Variants in ATL3 observed in about 807,000 individuals in gnomAD.
ATL3 encodes atlastin GTPase 3, also known as atlastin-3.
Under a neutral mutation model 69.5 loss-of-function variants are expected in ATL3, and 49 were observed. The observed-to-expected ratio is 0.71, with a 90% CI of 0.56 to 0.89. ATL3 has a LOEUF of 0.89. Ranked by LOEUF, ATL3 falls within the 40% of genes least tolerant of loss-of-function variation. The pLI is 0.00. For missense variants in ATL3, 606 were observed against 645.7 expected (o/e 0.94, Z 0.67); for synonymous variants, 214 against 224.1 (o/e 0.95, Z 0.40).
chr11:63,655,465 T>TA (rs1450447878), intron 3 of ATL3, among the ~76,000 whole-genome samples: 2 of 147,240 alleles, frequency 1.4e-5, no homozygotes, highest in East Asian at 2.1e-4. Context: ...TTTTTTTTTT[T>TA]AGATGGAGTT....
At chr11:63,657,136 G>C (rs1590740474) in intron 3 of ATL3, among the ~76,000 whole-genome samples, 1 of 151,338 alleles carries the variant, frequency 6.6e-6, no homozygotes, top group Non-Finnish European at 1.5e-5. Flanking sequence ...CTTGAACCTG[G>C]GAGGCGGAGA....
intron 1 of ATL3, among the ~76,000 whole-genome samples, chr11:63,666,029 G>A (rs1378508953): frequency 6.6e-6 from 1 of 152,106 alleles, no homozygotes; most frequent in Non-Finnish European, 1.5e-5. Context: ...GCACAGGCTA[G>A]AGGTGCGGTG....
rs1939047547 is a variant in ATL3, at chr11:63,624,693, C to A, written c.*4626G>T. ...CCTAATTACATTAGAAAATAGGATA[C>A]CTGTACATTCATTTTTCAGAGAAGG... is the stretch of plus-strand genomic sequence containing the variant. On this transcript the variant is annotated 3_prime_UTR_variant, in exon 13 of 13. Coordinates refer to ENST00000398868, the MANE Select transcript of ATL3 (RefSeq NM_015459.5). 6.6e-6 allele frequency: 1 copy of A among 152,072 alleles called. No individual in the cohort carries two copies. The highest frequency in any genetic ancestry group is 2.4e-5 in the African/African-American group (1 of 41,384). 9.4% of individuals were successfully genotyped at this position (152,072 alleles called of 1,614,324 possible).
At chr11:63,669,847 C>T (rs553177457) in intron 1 of ATL3, among the ~76,000 whole-genome samples, 2 of 152,230 alleles carry the variant, frequency 1.3e-5, no homozygotes, top group East Asian at 1.9e-4. Flanking sequence ...ACTCGGGAGG[C>T]TGACGCAGGA....
chr11:63,632,678 A>T, intron 11 of ATL3: 1 of 1,244,100 alleles, frequency 8.0e-7, no homozygotes, highest in Non-Finnish European at 1.2e-6. Context: ...GTGATTTTGG[A>T]TTTTTATGTG....
At position 63,628,031 on chromosome 11, in the gene ATL3, A is replaced by C. The variant is rs1039975508; in HGVS notation, c.*1288T>G. The C allele has an allele frequency of 6.6e-6, 1 of 152,202 alleles. No homozygotes were observed. Among genetic ancestry groups the C allele is most frequent in the Non-Finnish European group, 1.5e-5 (1 of 68,030 alleles). 9.4% of individuals were successfully genotyped at this position (152,202 alleles called of 1,614,324 possible). A position where few individuals can be genotyped will look rare whatever the true frequency, so the allele number is the denominator to read the frequency against. On this transcript the variant is annotated 3_prime_UTR_variant, in exon 13 of 13. Transcript: ENST00000398868. ...AAATTAGACATCAATTAAACGCAGT[A>C]ATATTTGTATCTTCCCTCTAATCCT...
intron 8 of ATL3, 125 bp from the exon 9 acceptor site, chr11:63,636,459 C>T: frequency 1.5e-6 from 2 of 1,332,292 alleles, no homozygotes; most frequent in Middle Eastern, 1.9e-4. Flanking sequence ...GAGAGAGAAG[C>T]CGGGCACGGT....
chr11:63,671,187 G>A (rs1346106129), intron 1 of ATL3, 103 bp downstream of exon 1: 1 of 1,448,760 alleles, frequency 6.9e-7, no homozygotes, highest in East Asian at 2.9e-5. Flanking sequence ...CCAGCCCCGG[G>A]ACGAGGAAGG....
intron 8 of ATL3, among the ~76,000 whole-genome samples, chr11:63,637,235 C>T (rs985435801): frequency 6.6e-6 from 1 of 150,898 alleles, no homozygotes; most frequent in Non-Finnish European, 1.5e-5. Context: ...GAGATCGCAC[C>T]ACTGCACTCC....
chr11:63,661,945 G>A (rs1324049823), intron 1 of ATL3, among the ~76,000 whole-genome samples: 1 of 151,688 alleles, frequency 6.6e-6, no homozygotes, highest in East Asian at 1.9e-4. Context: ...AGACATGGTG[G>A]CTCACACCTG....
chr11:63,671,158 C>G, intron 1 of ATL3, 132 bp downstream of exon 1: 1 of 1,401,510 alleles, frequency 7.1e-7, no homozygotes, highest in East Asian at 3.0e-5. Flanking sequence ...CGAGTGACCC[C>G]GGCGAGGGAC....
chr11:63,671,673 A>G (rs1304747732), upstream of ATL3: 2 of 1,357,562 alleles, frequency 1.5e-6, no homozygotes, highest in African/African-American at 3.0e-5. Context: ...TCCTTTGGGA[A>G]TTGTAGTCCC....
At chr11:63,671,654 G>T (rs1047122084), upstream of ATL3, 1 of 1,398,574 alleles carries the variant, frequency 7.2e-7, no homozygotes. Flanking sequence ...GGGGCGCTGA[G>T]TGCTACCGTC....
chr11:63,656,699 A>G lies in ATL3; in HGVS notation c.405+2062T>C, dbSNP rs1016493405. On this transcript the variant is annotated intron_variant, in intron 3 of 12. Transcript: ENST00000398868. ...AAGTGAGCCGAGATCGCACCACTGC[A>G]CTCCAGCCTGAGCAACAGAGAGACT... 2.7e-5 allele frequency among the ~76,000 whole-genome samples: 4 copies of G among 150,120 alleles called. No individual in the cohort carries two copies. The East Asian group carries it at 7.8e-4, about 29-fold the overall frequency.
At chr11:63,662,891 G>C (rs1331311052) in intron 1 of ATL3, among the ~76,000 whole-genome samples, 1 of 152,016 alleles carries the variant, frequency 6.6e-6, no homozygotes, top group Admixed American at 6.6e-5. Flanking sequence ...ATTTAAAGTA[G>C]ACTTAAGGAG....
chr11:63,667,625 G>A (rs370918165), intron 1 of ATL3, among the ~76,000 whole-genome samples: 11 of 152,038 alleles, frequency 7.2e-5, no homozygotes, highest in African/African-American at 2.4e-4. Flanking sequence ...TTGGCCAGGC[G>A]TGGTGGTGCA....
In ATL3 at chr11:63,633,810, G is replaced by A. The variant is rs1018148773; in HGVS notation, c.1036-713C>T. Among the ~76,000 whole-genome samples, 29 of 149,470 alleles carry A rather than the reference G, an allele frequency of 1.9e-4. No individual in the cohort carries two copies. In the East Asian group the frequency reaches 3.7e-3, roughly 19 times the overall value. The stretch of plus-strand genomic sequence containing the variant: ...GGCACTTTGGGAGGCCGAGGCTGGC[G>A]GATCATAAGGTCAGGAGTTCAAGAC... On this transcript the variant is annotated intron_variant, in intron 10 of 12. Transcript: ENST00000398868.
intron 3 of ATL3, among the ~76,000 whole-genome samples, 174 bp downstream of exon 3, chr11:63,658,587 A>G (rs909902940): frequency 1.3e-4 from 20 of 152,242 alleles, no homozygotes; most frequent in African/African-American, 4.3e-4. Context: ...AGAAAATCCT[A>G]TTTATCCACA....
intron 4 of ATL3, 29 bp from the exon 5 acceptor site, chr11:63,652,015 A>G (rs1013288149): frequency 5.7e-6 from 9 of 1,586,622 alleles, no homozygotes; most frequent in African/African-American, 1.4e-5. Context: ...GATTGATACT[A>G]CTCTGGCTTA....
Sources: gnomAD v4.1 joint callset for allele counts (sites outside exome capture counted in the v4.1 genomes callset) on GRCh38, gnomAD v4.1.1 for gene constraint, MANE v1.5 for transcripts, NCBI Gene and HGNC (gene_info 2026-07-23, HGNC 2026-07-21) for gene names.